Variants in CACNA1D observed in about 807,000 individuals in gnomAD.
CACNA1D encodes the protein calcium voltage-gated channel subunit alpha1 D.
CACNA1D carries 55 observed loss-of-function variants against 257.1 expected under a neutral mutation model. The ratio of observed to expected loss-of-function variants is 0.21; its 90% CI spans 0.17 to 0.27. CACNA1D has a LOEUF of 0.27. Ranked by LOEUF, CACNA1D falls within the 10% of genes least tolerant of loss-of-function variation. The probability of loss-of-function intolerance (pLI) is 1.00; values close to 1 mark genes in which losing one functional copy is unlikely to be tolerated. For missense variants in CACNA1D, 1,876 were observed against 2,784.0 expected (o/e 0.67, Z 7.34); for synonymous variants, 980 against 1,014.9 (o/e 0.97, Z 0.65).
At chr3:53,584,700 C>A (rs1230290979) in intron 3 of CACNA1D, among the ~76,000 whole-genome samples, 1 of 152,224 alleles carries the variant, frequency 6.6e-6, no homozygotes, top group Non-Finnish European at 1.5e-5. Flanking sequence ...CAAAGACTGT[C>A]TTCTTCAGTG....
chr3:53,517,740 C>T (rs1313692203), intron 3 of CACNA1D, among the ~76,000 whole-genome samples: 1 of 152,264 alleles, frequency 6.6e-6, no homozygotes, highest in South Asian at 2.1e-4. Flanking sequence ...TCTCAGCCTC[C>T]CAAAGTGCTG....
In CACNA1D at chr3:53,796,424, G is replaced by A. The variant is rs751566919; in HGVS notation, c.4924-3825G>A. On this transcript the variant is annotated intron_variant, in intron 40 of 47. Coordinates refer to ENST00000350061, the MANE Select transcript of CACNA1D (RefSeq NM_001128840.3). ...GCGTAGGTCCAGGGCGGGGCTCTGG[G>A]CACTTGTGCATGCTTGCTGTGGCGC... 9 of 455,928 alleles carry A rather than the reference G, an allele frequency of 2.0e-5. 1 individual carries two copies. The highest frequency in any genetic ancestry group is 1.4e-4 in the South Asian group (9 of 64,486). The allele number at this position is 455,928 out of a possible 1,614,324, so 28.2% of individuals were successfully genotyped here.
At chr3:53,646,140 G>A (rs2094017882) in intron 3 of CACNA1D, among the ~76,000 whole-genome samples, 2 of 152,198 alleles carry the variant, frequency 1.3e-5, no homozygotes, top group Non-Finnish European at 2.9e-5. Flanking sequence ...ATGTGTGGGA[G>A]GGAGCAGGTT....
In CACNA1D at chr3:53,774,808, T is replaced by C. The variant is rs1559664858; in HGVS notation, c.4202+130T>C. Reference sequence around the variant, plus strand: ...GTTGATTGTGATGGCTTTTTGTTTTTGTTTGTTCTGTATTCTTAAACACAG... The same window carrying C: ...GTTGATTGTGATGGCTTTTTGTTTTCGTTTGTTCTGTATTCTTAAACACAG... On this transcript the variant is annotated intron_variant, in intron 34 of 47. Transcript: ENST00000350061. This position sits in a 1 kb window ranked among gnomAD's most constrained non-coding sequence, Gnocchi z 4.3. 1.5e-6 allele frequency: 1 copy of C among 654,804 alleles called. No individual in the cohort carries two copies. The highest frequency in any genetic ancestry group is 2.8e-6 in the Non-Finnish European group (1 of 362,490). The allele number at this position is 654,804 out of a possible 1,614,324, so 40.6% of individuals were successfully genotyped here.
intron 3 of CACNA1D, among the ~76,000 whole-genome samples, chr3:53,545,646 A>G (rs2092395864): frequency 6.6e-6 from 1 of 152,216 alleles, no homozygotes; most frequent in Admixed American, 6.5e-5. Context: ...GGTCAGGGAA[A>G]GACGAAAGGG....
At chr3:53,758,341 A>G (rs576208018) in intron 29 of CACNA1D, among the ~76,000 whole-genome samples, 1 of 152,340 alleles carries the variant, frequency 6.6e-6, no homozygotes, top group South Asian at 2.1e-4. Context: ...CAAAAGGCAC[A>G]TTATTTATAT....
At chr3:53,746,254 TG>T (rs1176622921) in intron 25 of CACNA1D, among the ~76,000 whole-genome samples, 1 of 152,172 alleles carries the variant, frequency 6.6e-6, no homozygotes, top group Non-Finnish European at 1.5e-5. Flanking sequence ...ATGACAGCCA[TG>T]TGGATGATTT....
chr3:53,711,202 C>T (rs752218223), intron 9 of CACNA1D, among the ~76,000 whole-genome samples: 15 of 152,134 alleles, frequency 9.9e-5, no homozygotes, highest in Non-Finnish European at 8.8e-5. Context: ...AGCGATATTG[C>T]GCCATTACAC....
intron 9 of CACNA1D, among the ~76,000 whole-genome samples, chr3:53,705,266 G>A (rs2094675024): frequency 6.6e-6 from 1 of 152,184 alleles, no homozygotes; most frequent in Admixed American, 6.5e-5. Context: ...GGCGGCAGAG[G>A]TTGGGGGTGG....
At chr3:53,610,407 T>G (rs1335968888) in intron 3 of CACNA1D, among the ~76,000 whole-genome samples, 2 of 152,234 alleles carry the variant, frequency 1.3e-5, no homozygotes, top group Non-Finnish European at 2.9e-5. Flanking sequence ...TCATATATTT[T>G]GAAGCTTTGC....
intron 44 of CACNA1D, 57 bp from the exon 45 acceptor site, chr3:53,804,926 G>A: frequency 1.3e-6 from 2 of 1,508,632 alleles, no homozygotes; most frequent in East Asian, 2.3e-5. Flanking sequence ...AGTCTGGCAG[G>A]GTTGAGTGAC....
chr3:53,802,658 C>T (rs1301713306), intron 43 of CACNA1D, among the ~76,000 whole-genome samples: 1 of 152,198 alleles, frequency 6.6e-6, no homozygotes, highest in African/African-American at 2.4e-5. Flanking sequence ...GAATTGTGGG[C>T]GGAATGCCCA....
intron 43 of CACNA1D, 55 bp from the exon 44 acceptor site, chr3:53,803,368 A>C: frequency 6.2e-7 from 1 of 1,606,180 alleles, no homozygotes; most frequent in South Asian, 1.1e-5. Context: ...GTGCAGCTGC[A>C]GCAGGAATTA....
At chr3:53,810,322 TG>T (rs1276997096) in intron 47 of CACNA1D, 24 bp downstream of exon 47, 1 of 1,609,684 alleles carries the variant, frequency 6.2e-7, no homozygotes, top group Non-Finnish European at 8.5e-7. Context: ...TTGGCCGTGG[TG>T]GGCAGGAAGC....
chr3:53,745,776 A>C, intron 24 of CACNA1D, 45 bp downstream of exon 24: 2 of 1,604,708 alleles, frequency 1.2e-6, no homozygotes, highest in Non-Finnish European at 1.7e-6. Flanking sequence ...GGATTTCTTT[A>C]AGGAGAAGCC....
intron 3 of CACNA1D, among the ~76,000 whole-genome samples, chr3:53,524,609 G>A (rs2091695008): frequency 6.6e-6 from 1 of 152,216 alleles, no homozygotes; most frequent in Non-Finnish European, 1.5e-5. Context: ...ACATAGGTCA[G>A]GGGTACATGT....
intron 3 of CACNA1D, among the ~76,000 whole-genome samples, chr3:53,572,499 A>C (rs140966008): frequency 0.01 from 1,531 of 152,178 alleles, 16 homozygotes; most frequent in African/African-American, 0.035. Flanking sequence ...TCCTAGGCTC[A>C]AGCGATTCTC....
chr3:53,752,673 C>T (rs1277814252), intron 28 of CACNA1D, among the ~76,000 whole-genome samples: 2 of 152,236 alleles, frequency 1.3e-5, no homozygotes, highest in Non-Finnish European at 2.9e-5. Flanking sequence ...GCTGGTATTA[C>T]AGGCGTGAGC....
rs115860337 is a variant in CACNA1D at position 53,648,132 on chromosome 3, A to C, written c.484-2647A>C. On this transcript the variant is annotated intron_variant, in intron 3 of 47. Coordinates refer to ENST00000350061, the MANE Select transcript of CACNA1D (RefSeq NM_001128840.3). ...GCCTTGTTTTTCTGCTCTGAAGTAT[A>C]GTGTGCTGTCTTGACGTAGGTATGT... Among the ~76,000 whole-genome samples the C allele has an allele frequency of 9.4e-3, 1,425 of 152,246 alleles. 11 individuals are homozygous for C. The highest frequency in any genetic ancestry group is 0.015 in the Non-Finnish European group (1,014 of 68,014).
Sources: gnomAD v4.1 joint callset for allele counts (sites outside exome capture counted in the v4.1 genomes callset) on GRCh38, gnomAD v4.1.1 for gene constraint, Gnocchi (gnomAD v3.1) non-coding constraint, MANE v1.5 for transcripts, NCBI Gene and HGNC (gene_info 2026-07-23, HGNC 2026-07-21) for gene names.